The following EIF3D variants were observed in gnomAD, a reference collection of about 807,000 sequenced individuals.
EIF3D encodes eIF3 p66.
Under a neutral mutation model 75.4 loss-of-function variants are expected in EIF3D, and 10 were observed. The observed-to-expected ratio is 0.13, with a 90% CI of 0.08 to 0.22. The LOEUF is 0.22. Among genes scored for constraint, EIF3D ranks in the 10% least tolerant of loss-of-function variants. The probability of loss-of-function intolerance (pLI) is 1.00; values close to 1 mark genes in which losing one functional copy is unlikely to be tolerated. For missense variants in EIF3D, 394 were observed against 708.0 expected (o/e 0.56, Z 5.03); for synonymous variants, 246 against 248.3 (o/e 0.99, Z 0.09).
At chr22:36,523,401 GA>G in intron 5 of EIF3D, 120 bp from the exon 6 acceptor site, 1 of 759,494 alleles carries the variant, frequency 1.3e-6, no homozygotes, top group Non-Finnish European at 2.2e-6. Context: ...TTTAAACTAC[GA>G]AAAATGGGCT....
chr22:36,527,676 TA>T (rs1462311216), intron 1 of EIF3D, among the ~76,000 whole-genome samples: 2 of 152,082 alleles, frequency 1.3e-5, no homozygotes, highest in East Asian at 3.8e-4. Context: ...CAGTCTCTAC[TA>T]AAAATACAAA....
chr22:36,528,965 C>T, intron 1 of EIF3D, 111 bp downstream of exon 1: 1 of 261,088 alleles, frequency 3.8e-6, no homozygotes, highest in Non-Finnish European at 7.2e-6. Flanking sequence ...GGAGGGACGG[C>T]AACAGCAGGA....
At chr22:36,514,474 A>G (rs529902526) in intron 12 of EIF3D, among the ~76,000 whole-genome samples, 11 of 152,198 alleles carry the variant, frequency 7.2e-5, no homozygotes, top group Non-Finnish European at 1.5e-4. Flanking sequence ...ACCTTAATAT[A>G]CACTACCTGG....
rs1005064412 is a variant in EIF3D at position 36,529,092 on chromosome 22, C to T, written c.-27G>A. Reference sequence around the variant, plus strand: ...GCCGCTCACCTGCAATGGCCTCGGCCGGCCGGGATGGCAACAGATGGTGCG... The same window carrying T: ...GCCGCTCACCTGCAATGGCCTCGGCTGGCCGGGATGGCAACAGATGGTGCG... On this transcript the variant is annotated 5_prime_UTR_variant, in exon 1 of 15. Coordinates refer to ENST00000216190, the MANE Select transcript of EIF3D (RefSeq NM_003753.4). The T allele has an allele frequency of 7.6e-6, 3 of 393,084 alleles. No homozygotes were observed. The highest frequency in any genetic ancestry group is 4.4e-5 in the Admixed American group (1 of 22,536). 24.3% of individuals were successfully genotyped at this position (393,084 alleles called of 1,614,324 possible).
At position 36,524,069 on chromosome 22, in the gene EIF3D, T is replaced by C; in HGVS notation, c.307-89A>G. 3 of 1,305,930 alleles carry C rather than the reference T, an allele frequency of 2.3e-6. No individual in the cohort carries two copies. In the South Asian group the frequency reaches 3.6e-5, roughly 15 times the overall value. 80.9% of individuals were successfully genotyped at this position (1,305,930 alleles called of 1,614,324 possible). A position where few individuals can be genotyped will look rare whatever the true frequency, so the allele number is the denominator to read the frequency against. On this transcript the variant is annotated intron_variant, in intron 4 of 14. Coordinates refer to ENST00000216190, the MANE Select transcript of EIF3D (RefSeq NM_003753.4). The stretch of plus-strand genomic sequence containing the variant: ...AAGTGGGAGGTCTTTGGAGTAAATT[T>C]AGGATGCCAAATCCCAAGTTTCACA...
intron 12 of EIF3D, among the ~76,000 whole-genome samples, chr22:36,514,772 A>G (rs1053762166): frequency 2.0e-5 from 3 of 151,828 alleles, no homozygotes; most frequent in African/African-American, 7.3e-5. Context: ...TCCAGATGAG[A>G]ACTCAGTTCT....
rs1349449016 is a variant in EIF3D at position 36,523,197 on chromosome 22, T to G, written c.465+12A>C. 5.0e-6 allele frequency: 8 copies of G among 1,612,218 alleles called. No individual in the cohort carries two copies. The highest frequency in any genetic ancestry group is 6.8e-6 in the Non-Finnish European group (8 of 1,178,234). Reference sequence around the variant, plus strand: ...CAAATTCCAAGGCAGAATTCTGGTATAAATACATTACCTGTGATTTCTGAT... The same window carrying G: ...CAAATTCCAAGGCAGAATTCTGGTAGAAATACATTACCTGTGATTTCTGAT... On this transcript the variant is annotated intron_variant, in intron 6 of 14. Transcript: ENST00000216190.
chr22:36,525,439 A>C (rs1015560235), intron 3 of EIF3D, among the ~76,000 whole-genome samples: 1 of 152,032 alleles, frequency 6.6e-6, no homozygotes, highest in African/African-American at 2.4e-5. Flanking sequence ...AAAAGGGCCC[A>C]AAACCCCATT....
intron 12 of EIF3D, among the ~76,000 whole-genome samples, chr22:36,513,554 C>T (rs760312212): frequency 1.3e-5 from 2 of 152,140 alleles, no homozygotes; most frequent in Non-Finnish European, 2.9e-5. Context: ...CCACTCGCCC[C>T]GGCCTCCCAA....
intron 5 of EIF3D, 59 bp downstream of exon 5, chr22:36,523,836 G>A (rs1033139411): frequency 4.6e-6 from 7 of 1,519,606 alleles, no homozygotes; most frequent in Non-Finnish European, 6.4e-6. Flanking sequence ...TGGTCCTGTG[G>A]TTTCCAAATA....
intron 6 of EIF3D, among the ~76,000 whole-genome samples, chr22:36,521,477 A>G (rs1481641774): frequency 6.6e-6 from 1 of 152,212 alleles, no homozygotes; most frequent in African/African-American, 2.4e-5. Context: ...TTCTGTTCTC[A>G]GAATGCCCAC....
chr22:36,512,719 G>A (rs1475710102), intron 12 of EIF3D, 117 bp from the exon 13 acceptor site: 30 of 1,172,116 alleles, frequency 2.6e-5, no homozygotes, highest in Non-Finnish European at 3.2e-5. Context: ...GGGTAGGTAC[G>A]CACTAAATCT....
chr22:36,523,403 A>T, intron 5 of EIF3D, 122 bp from the exon 6 acceptor site: 1 of 756,748 alleles, frequency 1.3e-6, no homozygotes. Flanking sequence ...TAAACTACGA[A>T]AAATGGGCTT....
chr22:36,514,581 C>G (rs1934394781), intron 12 of EIF3D, among the ~76,000 whole-genome samples: 1 of 152,142 alleles, frequency 6.6e-6, no homozygotes, highest in African/African-American at 2.4e-5. Flanking sequence ...ATCTGATGTG[C>G]TGTTGCTATC....
intron 14 of EIF3D, 87 bp from the exon 15 acceptor site, chr22:36,511,087 C>A: frequency 2.0e-6 from 3 of 1,488,172 alleles, no homozygotes; most frequent in South Asian, 1.3e-5. Context: ...CTGGACTGTG[C>A]GTGAGTTTTC....
In EIF3D at chr22:36,512,607, A is replaced by C; in HGVS notation, c.1207-5T>G. 6.2e-7 allele frequency: 1 copy of C among 1,609,032 alleles called. No individual in the cohort carries two copies. The highest frequency in any genetic ancestry group is 8.5e-7 in the Non-Finnish European group (1 of 1,175,914). ...CCAGTCAACGCCATTACAGTGCTGC[A>C]GGAGAGCCCCGTTAGAGAAACAGAA... On this transcript the variant is annotated splice_polypyrimidine_tract_variant and splice_region_variant and intron_variant, in intron 12 of 14. Transcript: ENST00000216190.
In EIF3D at chr22:36,517,371, T is replaced by G; in HGVS notation, c.920A>C (p.Asn307Thr). 6.2e-7 allele frequency: 1 copy of G among 1,613,946 alleles called. No homozygotes were observed. The highest frequency in any genetic ancestry group is 8.5e-7 in the Non-Finnish European group (1 of 1,179,916). ...CTCCATGGCCAGGTTGCGGGGTGAA[T>G]TGAAGGAATTACCTTCATCTTGAGG... ...EPPQDEGNSF[N>T]SPRNLAMEAT... The change falls in exon 10 of 15, where the codon AAT becomes ACT. Residue 307 changes from asparagine to threonine, a missense_variant. Transcript: ENST00000216190.
At position 36,523,999 on chromosome 22, in the gene EIF3D, C is replaced by T; in HGVS notation, c.307-19G>A. On this transcript the variant is annotated intron_variant, in intron 4 of 14. Coordinates refer to ENST00000216190, the MANE Select transcript of EIF3D (RefSeq NM_003753.4). ...GGTTCCTCTGGGCATCAGCAAGAAA[C>T]ATCCATGTTAAAATCTTGGAGATTT... 6.2e-7 allele frequency: 1 copy of T among 1,613,762 alleles called. No individual in the cohort carries two copies. Among genetic ancestry groups the T allele is most frequent in the Non-Finnish European group, 8.5e-7 (1 of 1,179,704 alleles).
intron 7 of EIF3D, among the ~76,000 whole-genome samples, chr22:36,519,807 A>C (rs1934484784): frequency 6.6e-6 from 1 of 152,186 alleles, no homozygotes; most frequent in African/African-American, 2.4e-5. Context: ...GACTAGTTAT[A>C]GAAGCACCTG....
Sources: gnomAD v4.1 joint callset for allele counts (sites outside exome capture counted in the v4.1 genomes callset) on GRCh38, gnomAD v4.1.1 for gene constraint, MANE v1.5 for transcripts, NCBI Gene and HGNC (gene_info 2026-07-23, HGNC 2026-07-21) for gene names.